Variants in LRRC9 observed in about 807,000 individuals in gnomAD.
The protein encoded by LRRC9 is leucine-rich repeat-containing protein 9.
LRRC9 carries 122 observed loss-of-function variants against 63.2 expected under a neutral mutation model. That is an observed-to-expected ratio of 1.93 (90% confidence interval 1.67 to 2.24). The LOEUF (loss-of-function observed/expected upper bound fraction) is 2.24. LRRC9 is among the 30% of genes most tolerant of loss of function. The pLI, the probability that LRRC9 is intolerant of heterozygous loss-of-function variation, is 0.00. For missense variants in LRRC9, 1,071 were observed against 627.7 expected (o/e 1.71, Z -7.55); for synonymous variants, 366 against 213.1 (o/e 1.72, Z -6.25).
At chr14:59,985,324 T>A (rs1887347585) in intron 17 of LRRC9, 100 bp downstream of exon 17, 1 of 510,012 alleles carries the variant, frequency 2.0e-6, no homozygotes, top group Non-Finnish European at 3.5e-6. Flanking sequence ...TGGGGAGATA[T>A]TGGTCAAAGG....
At chr14:59,982,325 C>T (rs944155264) in intron 16 of LRRC9, among the ~76,000 whole-genome samples, 1 of 152,140 alleles carries the variant, frequency 6.6e-6, no homozygotes, top group Admixed American at 6.5e-5. Flanking sequence ...TTTAATAATA[C>T]ATTTTATTTA....
chr14:59,960,249 C>A (rs554000175), intron 9 of LRRC9, among the ~76,000 whole-genome samples: 22 of 152,294 alleles, frequency 1.4e-4, no homozygotes, highest in South Asian at 6.2e-4. Context: ...AAGCTTCCCC[C>A]CAGTGGATTC....
chr14:59,920,641 A>G (rs913293986), intron 1 of LRRC9, among the ~76,000 whole-genome samples: 3 of 152,090 alleles, frequency 2.0e-5, no homozygotes, highest in Non-Finnish European at 4.4e-5. Flanking sequence ...TAACTGATGG[A>G]TTCTGATCCT....
intron 26 of LRRC9, among the ~76,000 whole-genome samples, chr14:60,020,311 T>C (rs962414534): frequency 6.6e-6 from 1 of 151,934 alleles, no homozygotes; most frequent in Non-Finnish European, 1.5e-5. Context: ...TGCCGAATAG[T>C]ATTCTATTAT....
intron 7 of LRRC9, among the ~76,000 whole-genome samples, chr14:59,941,882 A>G (rs923349232): frequency 3.9e-5 from 6 of 152,278 alleles, no homozygotes; most frequent in East Asian, 1.9e-4. Flanking sequence ...CTGCAGTGCT[A>G]CAGAACACCA....
Position 60,018,475 on chromosome 14 carries a change from T to G in LRRC9, c.3422T>G (p.Val1141Gly), listed in dbSNP as rs537463647. Residue 1141 changes from valine to glycine, a missense_variant, in exon 25 of 32, where the codon GTG (valine) becomes GGG (glycine). Coordinates refer to ENST00000445360, the Ensembl canonical transcript of LRRC9. ...AGTGGATTAATCTATCTACCTAATG[T>G]GAAGGTAAGTCATTCACAAATTTTT... 4.0e-5 allele frequency: 28 copies of G among 692,802 alleles called. No homozygotes were observed. The South Asian group carries it at 4.1e-4, about 10-fold the overall frequency. The allele number at this position is 692,802 out of a possible 1,614,324, so 42.9% of individuals were successfully genotyped here.
intron 9 of LRRC9, among the ~76,000 whole-genome samples, chr14:59,960,244 TC>T (rs1351204485): frequency 6.6e-6 from 1 of 152,086 alleles, no homozygotes; most frequent in African/African-American, 2.4e-5. Context: ...ACAGTAAGCT[TC>T]CCCCCAGTGG....
rs926756818 is a variant in LRRC9 at position 60,060,922 on chromosome 14, G to A, written c.4277-2401G>A. ...TGACTTTGAGGGGTTCAGGACTTCA[G>A]TGAAGGAAGTAACTGCAGATGTGTG... On this transcript the variant is annotated intron_variant, in intron 31 of 31. Transcript: ENST00000445360. The surrounding 1 kb of genome is among the most constrained non-coding windows in gnomAD (Gnocchi z 4.0). Among the ~76,000 whole-genome samples the A allele has an allele frequency of 6.6e-6, 1 of 152,184 alleles. No homozygotes were observed. Among genetic ancestry groups the A allele is most frequent in the Admixed American group, 6.5e-5 (1 of 15,276 alleles).
chr14:59,967,775 A>C (rs2140005588), intron 12 of LRRC9, among the ~76,000 whole-genome samples: 1 of 152,280 alleles, frequency 6.6e-6, no homozygotes, highest in East Asian at 1.9e-4. Context: ...CCTTTTTCAC[A>C]TCATGACACA....
chr14:59,967,066 C>A, intron 11 of LRRC9, 30 bp from the exon 12 acceptor site: 1 of 595,908 alleles, frequency 1.7e-6, no homozygotes, highest in South Asian at 2.0e-5. Flanking sequence ...AATCAATCCT[C>A]AAACTTTTTC....
At position 59,919,959 on chromosome 14, in the gene LRRC9, T is replaced by TG. The variant is rs1490883043; in HGVS notation, c.-34+80dup. 1 of 152,220 alleles carries TG rather than the reference T, an allele frequency of 6.6e-6. No individual in the cohort carries two copies. Among genetic ancestry groups the TG allele is most frequent in the African/African-American group, 2.4e-5 (1 of 41,452 alleles). The allele number at this position is 152,220 out of a possible 1,614,324, so 9.4% of individuals were successfully genotyped here. On this transcript the variant is annotated intron_variant, in intron 1 of 31. Transcript: ENST00000445360. This position sits in a 1 kb window ranked among gnomAD's most constrained non-coding sequence, Gnocchi z 4.5. ...CCCGCCGTTTCCCAGGAGCCCCAGG[T>TG]GGGGTCTTCCGGTTGGACCCCTGCT... is the stretch of plus-strand genomic sequence containing the variant.
At chr14:60,037,357 G>T (rs61993995) in intron 29 of LRRC9, among the ~76,000 whole-genome samples, 1 of 152,132 alleles carries the variant, frequency 6.6e-6, no homozygotes. Context: ...TTCCACAATG[G>T]TTGAACTAGT....
intron 20 of LRRC9, among the ~76,000 whole-genome samples, chr14:60,002,700 C>T (rs890666055): frequency 9.9e-5 from 15 of 152,116 alleles, no homozygotes; most frequent in Non-Finnish European, 1.6e-4. Context: ...TGAATGGCTA[C>T]GTCAGATGGG....
intron 17 of LRRC9, among the ~76,000 whole-genome samples, chr14:59,994,277 C>A (rs1037662465): frequency 3.2e-4 from 48 of 152,226 alleles, no homozygotes; most frequent in Non-Finnish European, 5.7e-4. Context: ...TCATCACTGG[C>A]CATCAGAGAA....
At chr14:59,969,484 G>A (rs219315) in intron 12 of LRRC9, 113,942 of 152,094 alleles carry the variant, frequency 0.75, 44,688 homozygotes, top group Non-Finnish European at 0.87. Context: ...GTACATAATG[G>A]GTCAGGATAA....
chr14:59,999,187 AG>A lies in LRRC9; in HGVS notation c.2491del (p.Ala831GlnfsTer3). 1 of 701,700 alleles carries A rather than the reference AG, an allele frequency of 1.4e-6. No homozygotes were observed. Among genetic ancestry groups the A allele is most frequent in the South Asian group, 1.5e-5 (1 of 67,422 alleles). The allele number at this position is 701,700 out of a possible 1,614,324, so 43.5% of individuals were successfully genotyped here. A position where few individuals can be genotyped will look rare whatever the true frequency, so the allele number is the denominator to read the frequency against. On this transcript the variant is annotated frameshift_variant, in exon 19 of 32. Transcript: ENST00000445360. LOFTEE classifies it high-confidence loss of function. ...TCTTCATTTCTGAAGAAGAAGCAAC[AG>A]CAGCTATGAAATTTATTGCAGGAAC...
Position 59,966,992 on chromosome 14 carries a change from A to C in LRRC9, c.1389-104A>C. 2 of 541,996 alleles carry C rather than the reference A, an allele frequency of 3.7e-6. No homozygotes were observed. The highest frequency in any genetic ancestry group is 6.7e-6 in the Non-Finnish European group (2 of 299,662). 33.6% of individuals were successfully genotyped at this position (541,996 alleles called of 1,614,324 possible). A position where few individuals can be genotyped will look rare whatever the true frequency, so the allele number is the denominator to read the frequency against. ...ATTAATAATGACACTAGAACATTGC[A>C]TGTCAATGACAAATATCCCTGGCAG... On this transcript the variant is annotated intron_variant, in intron 11 of 31. Coordinates refer to ENST00000445360, the Ensembl canonical transcript of LRRC9. The surrounding 1 kb of genome is among the most constrained non-coding windows in gnomAD (Gnocchi z 4.0).
chr14:59,974,514 G>A, intron 12 of LRRC9, 62 bp from the exon 13 acceptor site: 1 of 531,336 alleles, frequency 1.9e-6, no homozygotes, highest in Admixed American at 3.5e-5. Context: ...TAAACCCTCT[G>A]TATTGAAGTT....
intron 7 of LRRC9, among the ~76,000 whole-genome samples, chr14:59,944,206 ATTAAT>A (rs1882092522): frequency 1.3e-5 from 2 of 151,910 alleles, no homozygotes. Flanking sequence ...TTTAATTCTT[ATTAAT>A]TTATTTTATT....
Sources: allele counts gnomAD v4.1 joint callset (sites outside exome capture counted in the v4.1 genomes callset), GRCh38; gene constraint gnomAD v4.1.1; non-coding constraint Gnocchi (gnomAD v3.1); transcripts MANE v1.5; gene names NCBI Gene and HGNC (gene_info 2026-07-23, HGNC 2026-07-21).